The following PCDH7 variants were observed in gnomAD, a reference collection of about 807,000 sequenced individuals.
The protein encoded by PCDH7 is protocadherin-7.
Under a neutral mutation model 58.9 loss-of-function variants are expected in PCDH7, and 17 were observed. The ratio of observed to expected loss-of-function variants is 0.29; its 90% CI spans 0.20 to 0.43. The LOEUF is 0.43. Among genes scored for constraint, PCDH7 ranks in the 20% least tolerant of loss-of-function variants. The pLI is 1.00. For missense variants in PCDH7, 1,274 were observed against 1,441.0 expected (o/e 0.88, Z 1.88); for synonymous variants, 664 against 616.4 (o/e 1.08, Z -1.14).
At chr4:30,805,309 T>C (rs1577875324) in intron 1 of PCDH7, among the ~76,000 whole-genome samples, 1 of 152,248 alleles carries the variant, frequency 6.6e-6, no homozygotes, top group African/African-American at 2.4e-5. Context: ...ATATGGTAGG[T>C]TTTGGTGCCA....
At chr4:30,778,169 G>T (rs1227812594) in intron 1 of PCDH7, among the ~76,000 whole-genome samples, 2 of 151,858 alleles carry the variant, frequency 1.3e-5, no homozygotes. Context: ...AAAAAATTCT[G>T]CTTCCATTAA....
chr4:30,763,704 A>C (rs1720338014), intron 1 of PCDH7, among the ~76,000 whole-genome samples: 1 of 152,218 alleles, frequency 6.6e-6, no homozygotes, highest in Non-Finnish European at 1.5e-5. Context: ...ATGATGAAAT[A>C]GGGTCTCAAT....
rs768140849 is a variant in PCDH7, at chr4:30,721,743, G to A, written c.321G>A (p.Glu107=). Residue 107 remains glutamate (E), a synonymous_variant, in exon 1 of 2, where the codon GAG becomes GAA. Transcript: ENST00000361762. The surrounding 1 kb of genome is among the most constrained non-coding windows in gnomAD (Gnocchi z 6.7). ...GTCAGATGATCTTCGACGAGAACGA[G>A]TGCTTCCTGGACTTCGAGGTGTCGG... is the stretch of plus-strand genomic sequence containing the variant. 4 of 1,614,024 alleles carry A rather than the reference G, an allele frequency of 2.5e-6. No homozygotes were observed. The South Asian group carries it at 4.4e-5, about 18-fold the overall frequency.
chr4:30,721,368 G>A lies in PCDH7; in HGVS notation c.-55G>A. 1 of 1,421,448 alleles carries A rather than the reference G, an allele frequency of 7.0e-7. No individual in the cohort carries two copies. The highest frequency in any genetic ancestry group is 9.2e-7 in the Non-Finnish European group (1 of 1,086,782). The allele number at this position is 1,421,448 out of a possible 1,614,324, so 88.1% of individuals were successfully genotyped here. ...GGCAGGCGGCCGGCCCCGGAGGAGG[G>A]GGGCGCCGAGGGGGCTGTGGTTAGA... On this transcript the variant is annotated 5_prime_UTR_variant, in exon 1 of 2. Transcript: ENST00000361762. The surrounding 1 kb of genome is among the most constrained non-coding windows in gnomAD (Gnocchi z 6.7).
chr4:31,050,918 G>A lies in PCDH7; in HGVS notation c.*8-91555G>A, dbSNP rs569875368. Reference sequence around the variant, plus strand: ...GTCACTTCCCTGCTTCACATTTATAGCTAGGTTCTCTGCTTCACATTGTCT... The same window carrying A: ...GTCACTTCCCTGCTTCACATTTATAACTAGGTTCTCTGCTTCACATTGTCT... On this transcript the variant is annotated intron_variant, in intron 3 of 3. Transcript: ENST00000509759. Among the ~76,000 whole-genome samples, 15 of 152,228 alleles carry A rather than the reference G, an allele frequency of 9.9e-5. No homozygotes were observed. The South Asian group carries it at 2.7e-3, about 27-fold the overall frequency.
intron 3 of PCDH7, among the ~76,000 whole-genome samples, chr4:31,088,171 A>G (rs76156183): frequency 2.0e-5 from 3 of 152,080 alleles, no homozygotes; most frequent in Non-Finnish European, 4.4e-5. Context: ...TTAGGCCCAT[A>G]GTAGACATTC....
In PCDH7 at chr4:30,797,768, A is replaced by T. The variant is rs139346384; in HGVS notation, c.70+73172A>T. Reference sequence around the variant, plus strand: ...ATTGCTTACTAAACAATGGTTGAATACATTTGATGCTGTAAATTGGAAAAT... The same window carrying T: ...ATTGCTTACTAAACAATGGTTGAATTCATTTGATGCTGTAAATTGGAAAAT... On this transcript the variant is annotated intron_variant, in intron 1 of 3. Transcript: ENST00000509759. Among the ~76,000 whole-genome samples the T allele has an allele frequency of 3.4e-3, 513 of 152,288 alleles. 3 individuals carry two copies. Among genetic ancestry groups the T allele is most frequent in the African/African-American group, 0.012 (487 of 41,568 alleles).
chr4:30,724,051 A>G, exon 1 of PCDH7: 2 of 1,614,112 alleles, frequency 1.2e-6, no homozygotes, highest in South Asian at 1.1e-5. Context: ...TAGCAAACAG[A>G]GACTCAGTAT....
intron 1 of PCDH7, among the ~76,000 whole-genome samples, chr4:30,850,556 G>A (rs1213726999): frequency 6.6e-6 from 1 of 151,966 alleles, no homozygotes; most frequent in South Asian, 2.1e-4. Flanking sequence ...AGGGGGGAGG[G>A]GGTTGGTTTT....
intron 1 of PCDH7, among the ~76,000 whole-genome samples, chr4:30,778,368 A>G (rs1722344563): frequency 6.6e-6 from 1 of 152,082 alleles, no homozygotes; most frequent in African/African-American, 2.4e-5. Flanking sequence ...GCATTTTAAG[A>G]CTTATGATCT....
At chr4:31,121,027 T>C (rs1717628620) in intron 3 of PCDH7, among the ~76,000 whole-genome samples, 1 of 152,186 alleles carries the variant, frequency 6.6e-6, no homozygotes, top group East Asian at 1.9e-4. Flanking sequence ...TTTAGGTGGA[T>C]AAATGCATGC....
intron 2 of PCDH7, among the ~76,000 whole-genome samples, chr4:30,924,816 TG>T (rs1017650068): frequency 1.2e-5 from 1 of 80,780 alleles, no homozygotes; most frequent in African/African-American, 4.7e-5. Context: ...AGAGTACAAA[TG>T]AAAAAAAAAA....
intron 1 of PCDH7, among the ~76,000 whole-genome samples, chr4:30,818,886 C>T (rs1431083524): frequency 1.3e-5 from 2 of 151,710 alleles, no homozygotes; most frequent in African/African-American, 4.8e-5. Flanking sequence ...GAGAGGTTTT[C>T]AATCTCTTTT....
chr4:30,792,638 G>A (rs1560375147), intron 1 of PCDH7, among the ~76,000 whole-genome samples: 2 of 152,134 alleles, frequency 1.3e-5, no homozygotes, highest in Admixed American at 6.5e-5. Flanking sequence ...AGAGATTGGA[G>A]CTCTGAGATC....
At chr4:31,030,240 T>G (rs1166537677) in intron 3 of PCDH7, among the ~76,000 whole-genome samples, 1 of 152,150 alleles carries the variant, frequency 6.6e-6, no homozygotes, top group East Asian at 1.9e-4. Context: ...GACCTACCCT[T>G]GCTGCATCAT....
At chr4:30,896,833 T>G (rs1739453235) in intron 1 of PCDH7, among the ~76,000 whole-genome samples, 1 of 150,964 alleles carries the variant, frequency 6.6e-6, no homozygotes, top group African/African-American at 2.4e-5. Flanking sequence ...ACCAGCCTGC[T>G]TTTGAATTGG....
downstream of PCDH7, chr4:31,146,199 T>G (rs1720660413): frequency 6.6e-6 from 1 of 152,030 alleles, no homozygotes; most frequent in Non-Finnish European, 1.5e-5. Context: ...CCTAGGAAGC[T>G]GTCTTGTAGG....
chr4:30,756,770 C>T (rs1211619204), intron 1 of PCDH7, among the ~76,000 whole-genome samples: 1 of 152,190 alleles, frequency 6.6e-6, no homozygotes, highest in Admixed American at 6.5e-5. Context: ...TAAACATGTA[C>T]CAACTTCTTC....
chr4:31,137,352 G>T (rs948512811), intron 3 of PCDH7, among the ~76,000 whole-genome samples: 4 of 152,236 alleles, frequency 2.6e-5, no homozygotes, highest in Admixed American at 2.6e-4. Flanking sequence ...GCAGGCTGAG[G>T]AGGGCAGATC....
Sources: gnomAD v4.1 joint callset for allele counts (sites outside exome capture counted in the v4.1 genomes callset) on GRCh38, gnomAD v4.1.1 for gene constraint, Gnocchi (gnomAD v3.1) non-coding constraint, MANE v1.5 for transcripts, NCBI Gene and HGNC (gene_info 2026-07-23, HGNC 2026-07-21) for gene names.